The following INSR variants were observed in gnomAD, a reference collection of about 807,000 sequenced individuals.
INSR encodes the protein insulin receptor, also known as IR.
In INSR, 67 loss-of-function variants were observed where a neutral mutation model predicts 142.6. The ratio of observed to expected loss-of-function variants is 0.47; its 90% CI spans 0.39 to 0.58. The LOEUF (loss-of-function observed/expected upper bound fraction) is 0.58, where lower values mean the gene tolerates loss of function less well. Ranked by LOEUF, INSR falls within the 20% of genes least tolerant of loss-of-function variation. The pLI, the probability that INSR is intolerant of heterozygous loss-of-function variation, is 0.00. For missense variants in INSR, 1,248 were observed against 1,833.2 expected, an observed-to-expected ratio of 0.68 and a Z score of 5.83; for synonymous variants, 756 against 743.1, an observed-to-expected ratio of 1.02 and a Z score of -0.28.
intron 13 of INSR, among the ~76,000 whole-genome samples, chr19:7,132,938 T>C (rs1048648999): frequency 2.6e-5 from 4 of 152,152 alleles, no homozygotes; most frequent in African/African-American, 9.7e-5. Flanking sequence ...ATTATCTTTC[T>C]AAAAATCATT....
intron 5 of INSR, among the ~76,000 whole-genome samples, chr19:7,171,258 C>T (rs536763709): frequency 6.6e-6 from 1 of 152,276 alleles, no homozygotes. Flanking sequence ...GATGGATTCT[C>T]ACTCTGGTGC....
chr19:7,249,836 C>CA (rs888844784), intron 2 of INSR, among the ~76,000 whole-genome samples: 12 of 151,978 alleles, frequency 7.9e-5, no homozygotes, highest in African/African-American at 2.4e-4. Context: ...ACTAAAAATA[C>CA]AAAAAATTAG....
chr19:7,114,975 G>T lies in INSR; in HGVS notation c.*2081C>A, dbSNP rs1972288284. On this transcript the variant is annotated 3_prime_UTR_variant, in exon 22 of 22. Transcript: ENST00000302850. ...AATAAATTTGGCAAAAATAATTTCT[G>T]TACTCTTGCTTCTTGTACCCAATCA... is the stretch of plus-strand genomic sequence containing the variant. The T allele has an allele frequency of 6.6e-6, 1 of 151,554 alleles. No homozygotes were observed. Among genetic ancestry groups the T allele is most frequent in the African/African-American group, 2.4e-5 (1 of 41,226 alleles). 9.4% of individuals were successfully genotyped at this position (151,554 alleles called of 1,614,324 possible).
At chr19:7,170,504 T>C (rs1489858717) in intron 6 of INSR, 33 bp downstream of exon 6, 1 of 1,549,924 alleles carries the variant, frequency 6.5e-7, no homozygotes, top group African/African-American at 1.4e-5. Flanking sequence ...CACCGGTCCC[T>C]CATGCCAAAA....
At chr19:7,174,757 A>C in intron 3 of INSR, 26 bp from the exon 4 acceptor site, 5 of 1,609,202 alleles carry the variant, frequency 3.1e-6, no homozygotes, top group Non-Finnish European at 4.2e-6. Context: ...AGAGAGAGAG[A>C]AAGAGAAAGG....
At chr19:7,292,458 TGGG>T (rs1968518728) in intron 1 of INSR, among the ~76,000 whole-genome samples, 2 of 29,398 alleles carry the variant, frequency 6.8e-5, no homozygotes, top group African/African-American at 2.7e-4. Context: ...CCCAGGCACC[TGGG>T]GGCGGGGCTG....
At chr19:7,252,793 C>T (rs983859519) in intron 2 of INSR, among the ~76,000 whole-genome samples, 1 of 152,172 alleles carries the variant, frequency 6.6e-6, no homozygotes, top group South Asian at 2.1e-4. Context: ...TCGCCTGGGA[C>T]AAAACGAGAG....
chr19:7,242,013 A>G, intron 2 of INSR, among the ~76,000 whole-genome samples: 2 of 151,944 alleles, frequency 1.3e-5, no homozygotes, highest in East Asian at 1.9e-4. Context: ...TTAGCCAGGT[A>G]TGGTGGTATG....
At chr19:7,147,159 T>C (rs183084459) in intron 11 of INSR, among the ~76,000 whole-genome samples, 71 of 152,222 alleles carry the variant, frequency 4.7e-4, no homozygotes, top group African/African-American at 1.7e-3. Flanking sequence ...CCGATAGATA[T>C]GTAAGTGTTT....
Position 7,120,613 on chromosome 19 carries a change from A to G in INSR, c.3659+7T>C, listed in dbSNP as rs768944050. 2 of 1,613,934 alleles carry G rather than the reference A, an allele frequency of 1.2e-6. No homozygotes were observed. The highest frequency in any genetic ancestry group is 1.7e-6 in the Non-Finnish European group (2 of 1,179,892). ...AGCGTCCATCCACCCATCCACACAC[A>G]ACTCACCACATGTCAGAAGAAGTGG... On this transcript the variant is annotated splice_region_variant and intron_variant, in intron 20 of 21. Coordinates refer to ENST00000302850, the MANE Select transcript of INSR (RefSeq NM_000208.4).
At chr19:7,232,787 G>A (rs1330562110) in intron 2 of INSR, among the ~76,000 whole-genome samples, 1 of 151,714 alleles carries the variant, frequency 6.6e-6, no homozygotes, top group Non-Finnish European at 1.5e-5. Flanking sequence ...TCCAGCCTGG[G>A]CAACAGTGCA....
chr19:7,204,307 G>A (rs900351797), intron 2 of INSR, among the ~76,000 whole-genome samples: 10 of 151,742 alleles, frequency 6.6e-5, no homozygotes, highest in African/African-American at 1.9e-4. Flanking sequence ...CACCTGCCTC[G>A]GCCTCCCAAA....
At chr19:7,211,801 G>C (rs1411044161) in intron 2 of INSR, among the ~76,000 whole-genome samples, 1 of 152,186 alleles carries the variant, frequency 6.6e-6, no homozygotes, top group Non-Finnish European at 1.5e-5. Flanking sequence ...CCACAGGCAA[G>C]AGGGAACGAA....
intron 2 of INSR, among the ~76,000 whole-genome samples, chr19:7,185,841 CAAAAAAAAA>C (rs754262409): frequency 4.4e-5 from 2 of 45,046 alleles, no homozygotes; most frequent in Non-Finnish European, 7.4e-5. Flanking sequence ...AAAATTCTGT[CAAAAAAAAA>C]AAAAAAAAAG....
intron 1 of INSR, among the ~76,000 whole-genome samples, chr19:7,292,064 A>T (rs1169632320): frequency 6.7e-6 from 1 of 149,372 alleles, no homozygotes. Flanking sequence ...AAGTGCTGGG[A>T]TTACAAGCGT....
chr19:7,146,938 C>T (rs1356732693), intron 11 of INSR, among the ~76,000 whole-genome samples: 1 of 152,104 alleles, frequency 6.6e-6, no homozygotes, highest in Non-Finnish European at 1.5e-5. Flanking sequence ...ATTATGTTTA[C>T]CATAGGCTTA....
chr19:7,240,223 A>G (rs1400852117), intron 2 of INSR, among the ~76,000 whole-genome samples: 1 of 152,244 alleles, frequency 6.6e-6, no homozygotes, highest in Non-Finnish European at 1.5e-5. Flanking sequence ...AGTGAACTGT[A>G]TACTGAAAAA....
At chr19:7,218,676 G>T (rs1600042636) in intron 2 of INSR, among the ~76,000 whole-genome samples, 1 of 152,198 alleles carries the variant, frequency 6.6e-6, no homozygotes, top group South Asian at 2.1e-4. Flanking sequence ...AAGTCCCTGG[G>T]ATCAGAGGCA....
rs1270607457 is a variant in INSR at position 7,119,697 on chromosome 19, C to T, written c.3660-114G>A. On this transcript the variant is annotated intron_variant, in intron 20 of 21. Coordinates refer to ENST00000302850, the MANE Select transcript of INSR (RefSeq NM_000208.4). This position sits in a 1 kb window ranked among gnomAD's most constrained non-coding sequence, Gnocchi z 5.2. ...ACACACACGCAAACACACATGCCAA[C>T]ACATACATGCAAACACACACATGCA... The T allele has an allele frequency of 8.6e-7, 1 of 1,165,764 alleles. No individual in the cohort carries two copies. The highest frequency in any genetic ancestry group is 1.5e-5 in the African/African-American group (1 of 66,176). 72.2% of individuals were successfully genotyped at this position (1,165,764 alleles called of 1,614,324 possible).
Sources: allele counts gnomAD v4.1 joint callset (sites outside exome capture counted in the v4.1 genomes callset), GRCh38; gene constraint gnomAD v4.1.1; non-coding constraint Gnocchi (gnomAD v3.1); transcripts MANE v1.5; gene names NCBI Gene and HGNC (gene_info 2026-07-23, HGNC 2026-07-21).